FGGY: variants seen among roughly 807,000 people sequenced by gnomAD.
FGGY encodes the protein FGGY carbohydrate kinase domain-containing protein.
FGGY carries 72 observed loss-of-function variants against 71.3 expected under a neutral mutation model. The observed-to-expected ratio is 1.01, with a 90% CI of 0.84 to 1.23. The LOEUF is 1.23. FGGY is among the 50% of genes most tolerant of loss of function. The pLI is 0.00. For synonymous variants in FGGY, 251 were observed against 250.3 expected, an observed-to-expected ratio of 1.00 and a Z score of -0.02; for missense variants, 668 against 682.3, an observed-to-expected ratio of 0.98 and a Z score of 0.23.
chr1:59,710,686 T>C lies in FGGY; in HGVS notation c.1512+36553T>C, dbSNP rs1241273664. ...GACATTTATGTGGCCTACAAACATA[T>C]GAAAAAAAGTTCATCATCACTGCTC... On this transcript the variant is annotated intron_variant, in intron 14 of 15. Transcript: ENST00000303721. Among the ~76,000 whole-genome samples, 3 of 152,090 alleles carry C rather than the reference T, an allele frequency of 2.0e-5. No homozygotes were observed. The East Asian group carries it at 5.8e-4, about 29-fold the overall frequency.
Position 59,757,788 on chromosome 1 carries a change from A to G in FGGY, c.1513-143A>G, listed in dbSNP as rs590704. ...TTTTTGTGTTTTATTCTTATTACCA[A>G]AGAAAAGTAAGTTGAAAAAAAAGAG... On this transcript the variant is annotated intron_variant, in intron 14 of 15. Coordinates refer to ENST00000303721, the MANE Select transcript of FGGY (RefSeq NM_018291.5). The G allele has an allele frequency of 0.31, 182,178 of 587,094 alleles. 29,876 individuals carry two copies. The highest frequency in any genetic ancestry group is 0.47 in the African/African-American group (24,892 of 53,218). 36.4% of individuals were successfully genotyped at this position (587,094 alleles called of 1,614,324 possible).
At chr1:59,376,581 G>A (rs962198054) in intron 4 of FGGY, among the ~76,000 whole-genome samples, 1 of 152,152 alleles carries the variant, frequency 6.6e-6, no homozygotes, top group African/African-American at 2.4e-5. Flanking sequence ...ACATGTGGAA[G>A]CCCTTTATAA....
chr1:59,372,978 C>G (rs1398431778), intron 4 of FGGY, among the ~76,000 whole-genome samples: 2 of 152,152 alleles, frequency 1.3e-5, no homozygotes, highest in Non-Finnish European at 2.9e-5. Context: ...AAACTGGAAG[C>G]ATTCCATTTG....
intron 7 of FGGY, among the ~76,000 whole-genome samples, chr1:59,543,157 C>G (rs1461009745): frequency 6.6e-6 from 1 of 152,198 alleles, no homozygotes; most frequent in Non-Finnish European, 1.5e-5. Context: ...CTCTTTGAAA[C>G]TATGTCAGCC....
intron 4 of FGGY, among the ~76,000 whole-genome samples, chr1:59,367,326 T>C (rs2056763271): frequency 6.6e-6 from 1 of 152,238 alleles, no homozygotes; most frequent in Admixed American, 6.5e-5. Flanking sequence ...AAGAATGACA[T>C]TGAAGATTAC....
intron 9 of FGGY, among the ~76,000 whole-genome samples, chr1:59,616,853 C>G (rs1039940822): frequency 6.6e-6 from 1 of 152,030 alleles, no homozygotes; most frequent in Non-Finnish European, 1.5e-5. Context: ...GTCCTATGAT[C>G]ATACCTATAG....
chr1:59,641,285 C>T (rs1362085659), intron 11 of FGGY: 7 of 1,609,764 alleles, frequency 4.3e-6, no homozygotes, highest in Non-Finnish European at 4.2e-6. Flanking sequence ...CTCAGAGAAC[C>T]ACTGGATATC....
chr1:59,607,202 C>G (rs1254647620), intron 8 of FGGY, among the ~76,000 whole-genome samples: 1 of 152,224 alleles, frequency 6.6e-6, no homozygotes, highest in Admixed American at 6.5e-5. Context: ...TACCTGGGTT[C>G]TTTCATATAT....
intron 9 of FGGY, among the ~76,000 whole-genome samples, chr1:59,624,536 A>C (rs1324892441): frequency 6.6e-6 from 1 of 152,190 alleles, no homozygotes; most frequent in Non-Finnish European, 1.5e-5. Flanking sequence ...GTCCGTTTTC[A>C]TACTGCTGAT....
chr1:59,550,882 C>T (rs1490486326), intron 7 of FGGY, among the ~76,000 whole-genome samples: 1 of 152,194 alleles, frequency 6.6e-6, no homozygotes, highest in African/African-American at 2.4e-5. Context: ...TCCATGTGGC[C>T]TTGGGCAAGT....
At chr1:59,534,178 A>C (rs1379468996) in intron 7 of FGGY, among the ~76,000 whole-genome samples, 2 of 152,242 alleles carry the variant, frequency 1.3e-5, no homozygotes, top group African/African-American at 4.8e-5. Context: ...GAACTACGTG[A>C]AGAATGCAGA....
chr1:59,749,539 T>C (rs2098227798), intron 14 of FGGY, among the ~76,000 whole-genome samples: 1 of 152,058 alleles, frequency 6.6e-6, no homozygotes, highest in African/African-American at 2.4e-5. Context: ...GTGTTGTAGG[T>C]AAAAACAGCC....
chr1:59,318,089 C>T (rs11576519), intron 1 of FGGY, among the ~76,000 whole-genome samples: 28,622 of 152,006 alleles, frequency 0.19, 3,253 homozygotes, highest in East Asian at 0.35. Context: ...CTGATGGAAC[C>T]GGAGGGAATG....
At chr1:59,477,804 A>G (rs1222502541) in intron 6 of FGGY, among the ~76,000 whole-genome samples, 3 of 152,100 alleles carry the variant, frequency 2.0e-5, no homozygotes, top group Non-Finnish European at 4.4e-5. Flanking sequence ...CCATTCATTT[A>G]TCTTTAAATT....
chr1:59,761,218 C>T (rs927649244), intron 15 of FGGY, among the ~76,000 whole-genome samples: 3 of 152,168 alleles, frequency 2.0e-5, no homozygotes, highest in Admixed American at 1.3e-4. Context: ...AATGTTAGGC[C>T]ACATTAAGAT....
intron 8 of FGGY, among the ~76,000 whole-genome samples, chr1:59,556,102 TCTTTAAGCCAG>T (rs1464491472): frequency 1.3e-5 from 2 of 152,236 alleles, no homozygotes; most frequent in African/African-American, 4.8e-5. Context: ...GCCTGAGGCC[TCTTTAAGCCAG>T]AAGGCACCAG....
At chr1:59,515,558 A>G (rs2094622368) in intron 7 of FGGY, among the ~76,000 whole-genome samples, 1 of 152,120 alleles carries the variant, frequency 6.6e-6, no homozygotes, top group Non-Finnish European at 1.5e-5. Context: ...TTCAAATCTC[A>G]ACTAACTTAT....
chr1:59,449,084 AG>A (rs2072014059), intron 5 of FGGY, among the ~76,000 whole-genome samples: 1 of 152,240 alleles, frequency 6.6e-6, no homozygotes, highest in South Asian at 2.1e-4. Context: ...CCAAAACAAA[AG>A]GAGAAAAGAT....
chr1:59,424,149 A>C (rs2065924589), intron 5 of FGGY, among the ~76,000 whole-genome samples: 2 of 152,248 alleles, frequency 1.3e-5, no homozygotes, highest in African/African-American at 4.8e-5. Context: ...TGTGTGAGGA[A>C]CTTGTGTGTC....
Sources: allele counts gnomAD v4.1 joint callset (sites outside exome capture counted in the v4.1 genomes callset), GRCh38; gene constraint gnomAD v4.1.1; transcripts MANE v1.5; gene names NCBI Gene and HGNC (gene_info 2026-07-23, HGNC 2026-07-21).